Variants in VWA2 observed in about 807,000 individuals in gnomAD.
VWA2 encodes von Willebrand factor A domain-containing protein 2.
A neutral mutation model predicts 70.4 loss-of-function variants in VWA2; 73 were observed. The ratio of observed to expected loss-of-function variants is 1.04; its 90% confidence interval spans 0.86 to 1.26. VWA2 has a LOEUF of 1.26. Among genes scored for constraint, VWA2 ranks in the 50% most tolerant of loss-of-function variants. The pLI, the probability that VWA2 is intolerant of heterozygous loss-of-function variation, is 0.00. For synonymous variants in VWA2, 407 were observed against 423.3 expected, an observed-to-expected ratio of 0.96 and a Z score of 0.47; for missense variants, 1,011 against 998.5, an observed-to-expected ratio of 1.01 and a Z score of -0.17.
chr10:114,241,991 G>C (rs573512242), intron 1 of VWA2, among the ~76,000 whole-genome samples: 2 of 149,998 alleles, frequency 1.3e-5, no homozygotes, highest in African/African-American at 4.9e-5. Context: ...CCCCAAGGCA[G>C]CACAGTGGGA....
chr10:114,277,229 G>C, intron 6 of VWA2, among the ~76,000 whole-genome samples: 1 of 130,486 alleles, frequency 7.7e-6, no homozygotes, highest in African/African-American at 3.0e-5. Flanking sequence ...TGTTGCCCAG[G>C]CTGGATTGCA....
chr10:114,259,245 G>A (rs940677746), intron 4 of VWA2, among the ~76,000 whole-genome samples: 1 of 152,122 alleles, frequency 6.6e-6, no homozygotes, highest in Non-Finnish European at 1.5e-5. Context: ...TCATTATGGT[G>A]AGGCCAGGTG....
At position 114,253,720 on chromosome 10, in the gene VWA2, G is replaced by C; in HGVS notation, c.122G>C (p.Ser41Thr). The C allele has an allele frequency of 6.2e-7, 1 of 1,612,220 alleles. No homozygotes were observed. Among genetic ancestry groups the C allele is most frequent in the Non-Finnish European group, 8.5e-7 (1 of 1,179,684 alleles). Residue 41 changes from serine (S) to threonine (T), a missense_variant, in exon 3 of 14, where the codon AGC becomes ACC. Physicochemically the swap from Ser to Thr is moderately conservative, Grantham distance 58. Transcript: ENST00000392982. ...ACCATCGGGAAGATTTCAGCTGCCA[G>C]CAAAAGTAAGCCCAGGTTCTTCTTA... is the stretch of plus-strand genomic sequence containing the variant. ...KETIGKISAA[S>T]KMMWCSAAVD... is the part of the protein sequence containing the mutation.
intron 5 of VWA2, among the ~76,000 whole-genome samples, chr10:114,262,352 A>G (rs1350932035): frequency 6.6e-6 from 1 of 151,112 alleles, no homozygotes; most frequent in African/African-American, 2.4e-5. Context: ...ATGTAAATAT[A>G]TGCATATATA....
Position 114,289,493 on chromosome 10 carries a change from A to G in VWA2, c.2122+4A>G. 2 of 1,613,992 alleles carry G rather than the reference A, an allele frequency of 1.2e-6. No homozygotes were observed. Among genetic ancestry groups the G allele is most frequent in the Middle Eastern group, 1.6e-4 (1 of 6,062 alleles). On this transcript the variant is annotated splice_donor_region_variant and intron_variant, in intron 12 of 13. Coordinates refer to ENST00000392982, the MANE Select transcript of VWA2 (RefSeq NM_001272046.2). Reference sequence around the variant, plus strand: ...CTCATTGAGTGGCTGTGTGGAGGTGAGTGGGGGAATCCACACCCTCAGGGC... The same window carrying G: ...CTCATTGAGTGGCTGTGTGGAGGTGGGTGGGGGAATCCACACCCTCAGGGC...
intron 3 of VWA2, among the ~76,000 whole-genome samples, chr10:114,254,600 G>T (rs79657560): frequency 6.6e-6 from 1 of 152,140 alleles, no homozygotes; most frequent in African/African-American, 2.4e-5. Flanking sequence ...GTGGTCCCCC[G>T]AGGCCTGGGA....
chr10:114,266,606 C>G (rs1245800556), intron 5 of VWA2, among the ~76,000 whole-genome samples: 1 of 152,176 alleles, frequency 6.6e-6, no homozygotes, highest in Non-Finnish European at 1.5e-5. Context: ...GCAGTCAAAC[C>G]TTCCAACATT....
At chr10:114,266,067 G>A (rs1223955968) in intron 5 of VWA2, among the ~76,000 whole-genome samples, 1 of 152,206 alleles carries the variant, frequency 6.6e-6, no homozygotes, top group Admixed American at 6.5e-5. Context: ...GGAGGCCGAG[G>A]TGGGCAGATC....
rs1024086998 is a variant in VWA2 at position 114,289,490 on chromosome 10, G to A, written c.2122+1G>A. 1.9e-6 allele frequency: 3 copies of A among 1,614,116 alleles called. 1 individual carries two copies. In the South Asian group the frequency reaches 3.3e-5, roughly 18 times the overall value. On this transcript the variant is annotated splice_donor_variant, in intron 12 of 13. Transcript: ENST00000392982. LOFTEE classifies it high-confidence loss of function. ...GTGCTCATTGAGTGGCTGTGTGGAG[G>A]TGAGTGGGGGAATCCACACCCTCAG...
At chr10:114,272,140 C>A (rs2037723686) in intron 5 of VWA2, among the ~76,000 whole-genome samples, 1 of 152,216 alleles carries the variant, frequency 6.6e-6, no homozygotes, top group Admixed American at 6.5e-5. Context: ...CAAGCCACAG[C>A]AAATAGAGGA....
intron 11 of VWA2, 117 bp from the exon 12 acceptor site, chr10:114,288,821 C>T (rs1486861754): frequency 1.0e-6 from 1 of 995,464 alleles, no homozygotes; most frequent in Non-Finnish European, 1.5e-6. Flanking sequence ...GTGTATTCTG[C>T]AGTGAACAGA....
At chr10:114,286,959 T>C (rs1292718926) in intron 11 of VWA2, among the ~76,000 whole-genome samples, 1 of 152,210 alleles carries the variant, frequency 6.6e-6, no homozygotes, top group Non-Finnish European at 1.5e-5. Flanking sequence ...CACGGATGCA[T>C]GTGCATGCAC....
At chr10:114,257,680 G>C (rs1041980622) in intron 4 of VWA2, among the ~76,000 whole-genome samples, 2 of 152,212 alleles carry the variant, frequency 1.3e-5, no homozygotes, top group African/African-American at 4.8e-5. Context: ...CAGTGTGGCA[G>C]TGTATGTGCG....
In VWA2 at chr10:114,290,248, C is replaced by T. The variant is rs561719191; in HGVS notation, c.2131C>T (p.Gln711Ter). ...GGTGTTCTCCATTGTAGAAGCCAAG[C>T]AGCCAGTCAACCTCTGCAAACCCAG... The part of the protein sequence containing the change: ...LIEWLCGEAK[Q>*]PVNLCKPSPC... The change falls in exon 13 of 14, where the codon CAG (glutamine) becomes TAG (stop). Residue 711 changes from glutamine (Q) to a stop codon, truncating the protein, a stop_gained. Coordinates refer to ENST00000392982, the MANE Select transcript of VWA2 (RefSeq NM_001272046.2). LOFTEE classifies it high-confidence loss of function. 1 of 1,550,466 alleles carries T rather than the reference C, an allele frequency of 6.4e-7. No individual in the cohort carries two copies. The highest frequency in any genetic ancestry group is 1.4e-5 in the African/African-American group (1 of 73,160).
At chr10:114,271,608 A>AAACACACACACACAC in intron 5 of VWA2, among the ~76,000 whole-genome samples, 1 of 144,796 alleles carries the variant, frequency 6.9e-6, no homozygotes. Context: ...GAGAAGTAAA[A>AAACACACACACACAC]ACACACACAC....
At chr10:114,258,132 G>A (rs1388030269) in intron 4 of VWA2, among the ~76,000 whole-genome samples, 1 of 152,202 alleles carries the variant, frequency 6.6e-6, no homozygotes, top group African/African-American at 2.4e-5. Context: ...CTGCAGAAGG[G>A]TTTGCATGAG....
chr10:114,247,461 C>A (rs577259880), intron 1 of VWA2, among the ~76,000 whole-genome samples: 1 of 152,216 alleles, frequency 6.6e-6, no homozygotes, highest in South Asian at 2.1e-4. Flanking sequence ...CCATGTCTGG[C>A]TAATTTTTTG....
chr10:114,286,125 T>C lies in VWA2; in HGVS notation c.1184T>C (p.Val395Ala). ...TACAGCAGGGAGCTGCTGGTGGCGGTGCCTGTGGGGGAGTACCAGGATGTG... is the reference window on the plus strand; with the variant it reads ...TACAGCAGGGAGCTGCTGGTGGCGGCGCCTGTGGGGGAGTACCAGGATGTG... ...ATYSRELLVA[V>A]PVGEYQDVPD... Residue 395 changes from valine to alanine, a missense_variant, in exon 11 of 14, where the codon GTG becomes GCG. Physicochemically the swap from Val to Ala is moderately conservative, Grantham distance 64. Transcript: ENST00000392982. 1 of 1,614,042 alleles carries C rather than the reference T, an allele frequency of 6.2e-7. No individual in the cohort carries two copies. Among genetic ancestry groups the C allele is most frequent in the Non-Finnish European group, 8.5e-7 (1 of 1,180,014 alleles).
At chr10:114,252,260 G>A (rs1026301762) in intron 2 of VWA2, among the ~76,000 whole-genome samples, 2 of 152,182 alleles carry the variant, frequency 1.3e-5, no homozygotes, top group African/African-American at 4.8e-5. Context: ...GACTGTGCCA[G>A]ACCTAATGAG....
Sources: allele counts gnomAD v4.1 joint callset (sites outside exome capture counted in the v4.1 genomes callset), GRCh38; gene constraint gnomAD v4.1.1; transcripts MANE v1.5; gene names NCBI Gene and HGNC (gene_info 2026-07-23, HGNC 2026-07-21).